The following GGCT variants were observed in gnomAD, a reference collection of about 807,000 sequenced individuals.
GGCT encodes the protein cytochrome c-releasing factor 21.
Under a neutral mutation model 22.1 loss-of-function variants are expected in GGCT, and 20 were observed. The observed-to-expected ratio is 0.91, with a 90% confidence interval of 0.64 to 1.32. GGCT has a LOEUF of 1.32. Ranked by LOEUF, GGCT falls within the 40% of genes most tolerant of loss-of-function variation. The pLI is 0.00. For missense variants in GGCT, 209 were observed against 223.5 expected, an observed-to-expected ratio of 0.94 and a Z score of 0.41; for synonymous variants, 72 against 78.4, an observed-to-expected ratio of 0.92 and a Z score of 0.43.
chr7:30,501,784 T>G (rs1432888901), intron 1 of GGCT, among the ~76,000 whole-genome samples: 1 of 152,204 alleles, frequency 6.6e-6, no homozygotes, highest in African/African-American at 2.4e-5. Flanking sequence ...TTTTCAGGTT[T>G]ATATTTTATC....
intron 3 of GGCT, chr7:30,498,042 C>CATATATATACATATATGT (rs1789598708): frequency 5.4e-6 from 1 of 184,870 alleles, no homozygotes; most frequent in East Asian, 8.2e-5. Flanking sequence ...CACACATATA[C>CATATATATACATATATGT]ATATATATAC....
intron 3 of GGCT, chr7:30,497,966 C>A: frequency 1.6e-6 from 1 of 634,816 alleles, no homozygotes; most frequent in Non-Finnish European, 2.4e-6. Flanking sequence ...TCTTGGTATT[C>A]ATAAAATACT....
Position 30,504,749 on chromosome 7 carries a change from T to C in GGCT, c.-40A>G, listed in dbSNP as rs1431534534. Reference sequence around the variant, plus strand: ...CTGCACTGGAGCCTGAAGCAGAGTGTAAGGAACGGCCAGAGAGCGCAACAC... The same window carrying C: ...CTGCACTGGAGCCTGAAGCAGAGTGCAAGGAACGGCCAGAGAGCGCAACAC... On this transcript the variant is annotated 5_prime_UTR_variant, in exon 1 of 4. Transcript: ENST00000275428. 1 of 1,605,714 alleles carries C rather than the reference T, an allele frequency of 6.2e-7. No individual in the cohort carries two copies. Among genetic ancestry groups the C allele is most frequent in the African/African-American group, 1.3e-5 (1 of 74,756 alleles).
Position 30,504,764 on chromosome 7 carries a change from G to A in GGCT, c.-55C>T. ...AAGCAGAGTGTAAGGAACGGCCAGA[G>A]AGCGCAACACTGGGGCCCACTACCC... On this transcript the variant is annotated 5_prime_UTR_variant, in exon 1 of 4. Coordinates refer to ENST00000275428, the MANE Select transcript of GGCT (RefSeq NM_024051.4). 2 of 1,578,458 alleles carry A rather than the reference G, an allele frequency of 1.3e-6. No homozygotes were observed. Among genetic ancestry groups the A allele is most frequent in the Admixed American group, 1.7e-5 (1 of 59,712 alleles).
At chr7:30,501,146 C>T (rs142717406) in intron 1 of GGCT, among the ~76,000 whole-genome samples, 1 of 152,174 alleles carries the variant, frequency 6.6e-6, no homozygotes, top group Non-Finnish European at 1.5e-5. Flanking sequence ...CCTGAGGGAC[C>T]TGGCATTTGA....
chr7:30,502,972 C>T (rs1429286319), intron 1 of GGCT, among the ~76,000 whole-genome samples: 2 of 152,116 alleles, frequency 1.3e-5, no homozygotes, highest in Non-Finnish European at 2.9e-5. Context: ...AAGATGTGGC[C>T]CTTCCACATA....
intron 1 of GGCT, 109 bp downstream of exon 1, chr7:30,504,460 C>G (rs970168945): frequency 2.3e-6 from 3 of 1,291,778 alleles, no homozygotes; most frequent in Non-Finnish European, 2.2e-6. Context: ...TCCTAGTACC[C>G]TCATCAAGAA....
chr7:30,504,391 C>A (rs748809835), intron 1 of GGCT, among the ~76,000 whole-genome samples, 178 bp downstream of exon 1: 1 of 152,226 alleles, frequency 6.6e-6, no homozygotes, highest in Non-Finnish European at 1.5e-5. Context: ...GTGGCCCGGG[C>A]AGGGCCGGGC....
intron 3 of GGCT, chr7:30,497,823 C>A: frequency 6.9e-7 from 1 of 1,455,160 alleles, no homozygotes; most frequent in Admixed American, 2.2e-5. Flanking sequence ...GGGTCTCTAT[C>A]CCACATTCTT....
chr7:30,499,107 A>C, intron 2 of GGCT, 169 bp from the exon 3 acceptor site: 5 of 699,830 alleles, frequency 7.1e-6, no homozygotes, highest in Non-Finnish European at 1.0e-5. Flanking sequence ...AATTTACCAC[A>C]TCAAAAGTAA....
intron 1 of GGCT, among the ~76,000 whole-genome samples, chr7:30,501,021 A>C (rs769017422): frequency 5.3e-5 from 8 of 152,204 alleles, no homozygotes; most frequent in Non-Finnish European, 1.2e-4. Flanking sequence ...GTCTTCTTAC[A>C]TACACATAAA....
At chr7:30,499,004 C>A in intron 2 of GGCT, 66 bp from the exon 3 acceptor site, 2 of 1,415,334 alleles carry the variant, frequency 1.4e-6, no homozygotes, top group Non-Finnish European at 1.0e-6. Context: ...TGGGTAAGGT[C>A]TTTTTATAAT....
rs1038932553 is a variant in GGCT at position 30,504,569 on chromosome 7, C to T, written c.141G>A (p.Gln47=). Residue 47 remains glutamine, a splice_region_variant and synonymous_variant, in exon 1 of 4, where the codon CAG becomes CAA. Coordinates refer to ENST00000275428, the MANE Select transcript of GGCT (RefSeq NM_024051.4). ...GGGTAGCGCGGGAGGGGGCACTCAC[C>T]TGCAGGCGGGCCACACAGAAGAACG... ...SAAFFCVARL[Q]DFKLDFGNSQ... is the part of the protein sequence containing the mutation. The T allele has an allele frequency of 1.9e-6, 3 of 1,613,460 alleles. No homozygotes were observed. The Admixed American group carries it at 5.0e-5, about 27-fold the overall frequency.
intron 1 of GGCT, among the ~76,000 whole-genome samples, chr7:30,500,981 A>G (rs976815541): frequency 1.3e-5 from 2 of 152,180 alleles, no homozygotes; most frequent in Non-Finnish European, 2.9e-5. Flanking sequence ...CCTGAACACA[A>G]TTGTTTTCAT....
chr7:30,497,903 A>T (rs1789592984), intron 3 of GGCT: 1 of 1,383,956 alleles, frequency 7.2e-7, no homozygotes, highest in Non-Finnish European at 9.6e-7. Flanking sequence ...CCACCTAGGG[A>T]TGAAAAACAT....
chr7:30,504,413 C>A (rs1007436091), intron 1 of GGCT, among the ~76,000 whole-genome samples, 156 bp downstream of exon 1: 11 of 152,254 alleles, frequency 7.2e-5, no homozygotes, highest in Admixed American at 6.5e-5. Context: ...GTGGGCGCAG[C>A]GGAGGAGGTG....
intron 1 of GGCT, among the ~76,000 whole-genome samples, chr7:30,503,122 T>C (rs779528967): frequency 6.6e-6 from 1 of 152,188 alleles, no homozygotes; most frequent in Non-Finnish European, 1.5e-5. Flanking sequence ...ATCATTCAGG[T>C]CTCAACTTAA....
chr7:30,497,904 T>C, intron 3 of GGCT: 1 of 1,380,388 alleles, frequency 7.2e-7, no homozygotes, highest in South Asian at 1.7e-5. Context: ...CACCTAGGGA[T>C]GAAAAACATT....
At chr7:30,498,663 C>G (rs2128123586) in intron 3 of GGCT, 140 bp downstream of exon 3, 1 of 724,644 alleles carries the variant, frequency 1.4e-6, no homozygotes, top group Non-Finnish European at 2.3e-6. Flanking sequence ...AGGTGATCTG[C>G]CCGCCCCAGC....
Sources: allele counts gnomAD v4.1 joint callset (sites outside exome capture counted in the v4.1 genomes callset), GRCh38; gene constraint gnomAD v4.1.1; transcripts MANE v1.5; gene names NCBI Gene and HGNC (gene_info 2026-07-23, HGNC 2026-07-21).